Variants in AKR1C8 observed in about 807,000 individuals in gnomAD.
AKR1C8 encodes the protein aldo-keto reductase family 1 member C8, also known as aldo-keto reductase family 1 member C-like protein 1.
At chr10:5,161,815 T>C in the AKR1C8 span, 3 of 534,590 alleles carry the variant, frequency 5.6e-6, no homozygotes, top group Non-Finnish European at 1.2e-5. Context: ...ATAACCATGA[T>C]GAAACAGTCT....
At chr10:5,169,119 C>G in the AKR1C8 span, among the ~76,000 whole-genome samples, 2 of 152,164 alleles carry the variant, frequency 1.3e-5, no homozygotes, top group African/African-American at 4.8e-5. Flanking sequence ...CGCACCTCCC[C>G]CTGTGCCTGA....
chr10:5,159,335 C>T, the AKR1C8 span, among the ~76,000 whole-genome samples: 1 of 152,022 alleles, frequency 6.6e-6, no homozygotes, highest in Non-Finnish European at 1.5e-5. Flanking sequence ...ATGAGTAAGC[C>T]ATTAGGAAGT....
chr10:5,143,379 T>A, the AKR1C8 span, among the ~76,000 whole-genome samples: 1 of 152,116 alleles, frequency 6.6e-6, no homozygotes, highest in African/African-American at 2.4e-5. Context: ...ATCTTTGCAC[T>A]CTAGGACTTT....
the AKR1C8 span, chr10:5,162,751 T>C: frequency 2.6e-6 from 1 of 384,118 alleles, no homozygotes; most frequent in Non-Finnish European, 5.3e-6. Context: ...TTCATAATAT[T>C]AGGAGGTAAA....
At chr10:5,142,089 G>C in the AKR1C8 span, among the ~76,000 whole-genome samples, 42,439 of 151,936 alleles carry the variant, frequency 0.28, 6,780 homozygotes, top group Non-Finnish European at 0.36. Context: ...TTCTCCATCA[G>C]TACTTGCTTT....
the AKR1C8 span, among the ~76,000 whole-genome samples, chr10:5,175,759 G>C: frequency 3.9e-5 from 6 of 152,050 alleles, no homozygotes; most frequent in Non-Finnish European, 7.4e-5. Context: ...TGTTTTTTTG[G>C]CTGCATAAAT....
At chr10:5,156,529 T>G in the AKR1C8 span, among the ~76,000 whole-genome samples, 8 of 146,596 alleles carry the variant, frequency 5.5e-5, no homozygotes, top group African/African-American at 2.0e-4. Flanking sequence ...GACTCAGATC[T>G]ATCTATCTAT....
At chr10:5,179,279 CT>C in the AKR1C8 span, among the ~76,000 whole-genome samples, 1 of 152,154 alleles carries the variant, frequency 6.6e-6, no homozygotes, top group Non-Finnish European at 1.5e-5. Context: ...GTTGAAAATT[CT>C]TTTCTTTAAG....
the AKR1C8 span, chr10:5,132,751 C>T: frequency 6.8e-7 from 1 of 1,465,192 alleles, no homozygotes; most frequent in South Asian, 1.2e-5. Flanking sequence ...GTAACCTCCA[C>T]AACTCTATTC....
the AKR1C8 span, chr10:5,154,296 T>G: frequency 2.4e-6 from 1 of 423,660 alleles, no homozygotes; most frequent in East Asian, 7.1e-5. Context: ...CGTCCCTACT[T>G]GTACCTCGGC....
At chr10:5,181,677 A>G in the AKR1C8 span, among the ~76,000 whole-genome samples, 4 of 152,214 alleles carry the variant, frequency 2.6e-5, no homozygotes, top group African/African-American at 9.6e-5. Flanking sequence ...AAACCATATA[A>G]GATGTCTAAG....
the AKR1C8 span, chr10:5,162,011 C>G: frequency 3.8e-6 from 2 of 521,798 alleles, no homozygotes; most frequent in Non-Finnish European, 7.9e-6. Context: ...ATTATAATTT[C>G]ACACATTTGA....
At chr10:5,123,639 AAG>A in the AKR1C8 span, 3 of 1,385,368 alleles carry the variant, frequency 2.2e-6, no homozygotes, top group East Asian at 2.4e-5. Flanking sequence ...AACTCCAGGA[AAG>A]AGAGTACCAT....
the AKR1C8 span, chr10:5,154,219 C>G: frequency 2.1e-6 from 1 of 468,772 alleles, no homozygotes; most frequent in African/African-American, 2.0e-5. Flanking sequence ...TAACTTTTTT[C>G]CATTCTGTCA....
chr10:5,119,534 A>G, the AKR1C8 span, among the ~76,000 whole-genome samples: 6 of 152,192 alleles, frequency 3.9e-5, no homozygotes, highest in African/African-American at 1.4e-4. Flanking sequence ...TTTGTTCTCT[A>G]TCTTTTCTAT....
chr10:5,176,826 T>A, the AKR1C8 span, among the ~76,000 whole-genome samples: 1 of 152,166 alleles, frequency 6.6e-6, no homozygotes, highest in South Asian at 2.1e-4. Context: ...GTACATTGAG[T>A]TTGTATCCTG....
chr10:5,122,267 G>A, the AKR1C8 span: 3 of 252,044 alleles, frequency 1.2e-5, no homozygotes, highest in Middle Eastern at 2.3e-3. Context: ...GATGGCATTA[G>A]GGGAGGCATT....
chr10:5,176,178 T>C, the AKR1C8 span, among the ~76,000 whole-genome samples: 1 of 149,932 alleles, frequency 6.7e-6, no homozygotes. Context: ...AAGGATCCAG[T>C]TTCAGCTTTC....
chr10:5,150,705 G>A, the AKR1C8 span, among the ~76,000 whole-genome samples: 1 of 151,904 alleles, frequency 6.6e-6, no homozygotes, highest in Non-Finnish European at 1.5e-5. Context: ...ACAGATCACT[G>A]TAAAATAAGT....
Sources: allele counts gnomAD v4.1 joint callset (sites outside exome capture counted in the v4.1 genomes callset), GRCh38; gene constraint gnomAD v4.1.1; transcripts MANE v1.5; gene names NCBI Gene and HGNC (gene_info 2026-07-23, HGNC 2026-07-21).